CENPE: variants seen among roughly 807,000 people sequenced by gnomAD.
CENPE encodes the protein centromere-associated protein E.
In CENPE, 145 loss-of-function variants were observed where a neutral mutation model predicts 336.1. The observed-to-expected ratio is 0.43, with a 90% CI of 0.38 to 0.50. The LOEUF (loss-of-function observed/expected upper bound fraction) is 0.50, where lower values mean the gene tolerates loss of function less well. CENPE is among the 20% of genes least tolerant of loss of function. The probability of loss-of-function intolerance (pLI) is 0.00; values close to 1 mark genes in which losing one functional copy is unlikely to be tolerated. For synonymous variants in CENPE, 1,013 were observed against 984.8 expected, an observed-to-expected ratio of 1.03 and a Z score of -0.54; for missense variants, 2,719 against 3,023.3, an observed-to-expected ratio of 0.90 and a Z score of 2.36.
chr4:103,146,336 G>C (rs557693101), intron 29 of CENPE, among the ~76,000 whole-genome samples: 21 of 152,300 alleles, frequency 1.4e-4, no homozygotes, highest in African/African-American at 5.1e-4. Context: ...AAAATGATGA[G>C]ACTTACAGGA....
chr4:103,171,823 C>T (rs1463406761), intron 16 of CENPE, among the ~76,000 whole-genome samples: 1 of 150,946 alleles, frequency 6.6e-6, no homozygotes, highest in African/African-American at 2.4e-5. Context: ...ACAATTGATA[C>T]CACAGAAATA....
At position 103,145,238 on chromosome 4, in the gene CENPE, G is replaced by T. The variant is rs749051815; in HGVS notation, c.4669C>A (p.Arg1557Ser). Reference protein sequence around the residue: ...VNELKQFKEHRKAKDSALQSI... With the variant: ...VNELKQFKEHSKAKDSALQSI... ...TGTAGTGCTGAATCCTTGGCTTTGCGATGCTCCTTGAATTGTTTCAGTTCA... is the reference window on the plus strand; with the variant it reads ...TGTAGTGCTGAATCCTTGGCTTTGCTATGCTCCTTGAATTGTTTCAGTTCA... Residue 1557 changes from arginine (R) to serine (S), a missense_variant, in exon 32 of 49, where the codon CGC becomes AGC. Physicochemically the swap from Arg to Ser is moderately radical, Grantham distance 110. Around this residue, in one of 5 missense-constraint regions of CENPE, gnomAD observed 2,437 missense variants for 2,513.3 expected, o/e 0.97. Coordinates refer to ENST00000265148, the MANE Select transcript of CENPE (RefSeq NM_001813.3). The T allele has an allele frequency of 3.1e-6, 5 of 1,613,280 alleles. No individual in the cohort carries two copies. In the South Asian group the frequency reaches 3.3e-5, roughly 11 times the overall value.
intron 16 of CENPE, among the ~76,000 whole-genome samples, chr4:103,164,773 G>T (rs114554223): frequency 0.03 from 4,511 of 152,062 alleles, 217 homozygotes; most frequent in African/African-American, 0.1. Flanking sequence ...GCCACATATG[G>T]TTAGTGGCTA....
chr4:103,125,075 T>C (rs549504536), intron 42 of CENPE, among the ~76,000 whole-genome samples: 4 of 152,364 alleles, frequency 2.6e-5, no homozygotes, highest in South Asian at 2.1e-4. Context: ...TGGACTTCTT[T>C]GTTTTTTCTT....
chr4:103,194,781 A>C, intron 5 of CENPE, 97 bp from the exon 6 acceptor site: 1 of 885,704 alleles, frequency 1.1e-6, no homozygotes, highest in Non-Finnish European at 1.7e-6. Context: ...CATTTGTGAA[A>C]GTTAAAAGTG....
At chr4:103,162,303 G>T (rs1396819935) in intron 18 of CENPE, among the ~76,000 whole-genome samples, 1 of 151,492 alleles carries the variant, frequency 6.6e-6, no homozygotes, top group Non-Finnish European at 1.5e-5. Flanking sequence ...GTTCCAGCTA[G>T]AAACTGTTAT....
Position 103,111,485 on chromosome 4 carries a change from T to C in CENPE, c.7541-474A>G, listed in dbSNP as rs1322976750. Among the ~76,000 whole-genome samples the C allele has an allele frequency of 1.6e-4, 24 of 152,292 alleles. No homozygotes were observed. The South Asian group carries it at 4.6e-3, about 29-fold the overall frequency. On this transcript the variant is annotated intron_variant, in intron 46 of 48. Transcript: ENST00000265148. ...TATGTTACAATAATATTAAAGCACATATTAAATATTCTACACTATGTGTGT... is the reference window on the plus strand; with the variant it reads ...TATGTTACAATAATATTAAAGCACACATTAAATATTCTACACTATGTGTGT...
In CENPE at chr4:103,158,201, G is replaced by T. The variant is rs1265392084; in HGVS notation, c.3033+99C>A. The stretch of plus-strand genomic sequence containing the variant: ...AATTATTGTTAGTTATTACCATTGT[G>T]AGTAACAAATGAAATTGAGAATATT... On this transcript the variant is annotated intron_variant, in intron 24 of 48. Coordinates refer to ENST00000265148, the MANE Select transcript of CENPE (RefSeq NM_001813.3). 20 of 843,444 alleles carry T rather than the reference G, an allele frequency of 2.4e-5. No individual in the cohort carries two copies. The African/African-American group carries it at 2.5e-4, about 10-fold the overall frequency. The allele number at this position is 843,444 out of a possible 1,614,324, so 52.2% of individuals were successfully genotyped here.
intron 24 of CENPE, among the ~76,000 whole-genome samples, chr4:103,156,279 G>A (rs191951065): frequency 9.9e-5 from 15 of 152,094 alleles, no homozygotes; most frequent in South Asian, 2.1e-4. Context: ...ATAGGGAAAC[G>A]AATCTTGAAA....
chr4:103,139,019 T>G, intron 38 of CENPE, among the ~76,000 whole-genome samples: 1 of 152,228 alleles, frequency 6.6e-6, no homozygotes. Context: ...CCACCTGTAC[T>G]GTCTATGGTG....
intron 39 of CENPE, 142 bp downstream of exon 39, chr4:103,138,209 C>T (rs1165208497): frequency 1.5e-6 from 1 of 645,484 alleles, no homozygotes; most frequent in African/African-American, 1.8e-5. Flanking sequence ...TATACCCACA[C>T]ACCTGTACTA....
chr4:103,131,740 T>C (rs1751606288), intron 42 of CENPE, among the ~76,000 whole-genome samples: 1 of 152,100 alleles, frequency 6.6e-6, no homozygotes, highest in Non-Finnish European at 1.5e-5. Context: ...AACAGGTACA[T>C]ACACACAATG....
intron 33 of CENPE, 49 bp from the exon 34 acceptor site, chr4:103,143,455 A>G (rs1410596013): frequency 2.4e-6 from 3 of 1,248,010 alleles, no homozygotes; most frequent in Non-Finnish European, 3.5e-6. Flanking sequence ...AGTACCATCC[A>G]CATGCTATAG....
At chr4:103,142,645 C>T (rs903075419) in intron 34 of CENPE, among the ~76,000 whole-genome samples, 1 of 152,170 alleles carries the variant, frequency 6.6e-6, no homozygotes, top group African/African-American at 2.4e-5. Flanking sequence ...TCCAGAGTTA[C>T]ATTCCAGGCC....
rs1238982578 is a variant in CENPE at position 103,145,940 on chromosome 4, A to C, written c.4302T>G (p.His1434Gln). ...CCTTAGCTACAGATTTCATTTCATCATGACTTTCTTGAAGTCTTTTGGACA... is the reference window on the plus strand; with the variant it reads ...CCTTAGCTACAGATTTCATTTCATCCTGACTTTCTTGAAGTCTTTTGGACA... ...LGLSKRLQESHDEMKSVAKEK... is the reference protein window; with the variant it reads ...LGLSKRLQESQDEMKSVAKEK... Residue 1434 changes from histidine to glutamine, a missense_variant, in exon 30 of 49, where the codon CAT (histidine) becomes CAG (glutamine). By Grantham distance (24) the His-to-Gln change is conservative. This residue lies in a region of CENPE where 2,437 missense variants were observed against 2,513.3 expected (regional missense o/e 0.97). Transcript: ENST00000265148. 6.2e-7 allele frequency: 1 copy of C among 1,613,928 alleles called. No homozygotes were observed. The highest frequency in any genetic ancestry group is 8.5e-7 in the Non-Finnish European group (1 of 1,179,930).
At position 103,110,729 on chromosome 4, in the gene CENPE, GA is replaced by G. The variant is rs1261378342; in HGVS notation, c.7724+98del. The G allele has an allele frequency of 9.1e-6, 7 of 770,468 alleles. No homozygotes were observed. The East Asian group carries it at 1.8e-4, about 20-fold the overall frequency. 47.7% of individuals were successfully genotyped at this position (770,468 alleles called of 1,614,324 possible). On this transcript the variant is annotated intron_variant, in intron 47 of 48. Transcript: ENST00000265148. ...AAAAATTACTTTCCCCATAATGACT[GA>G]AGTGTTACCACCTGCAAAAAATACG... is the stretch of plus-strand genomic sequence containing the variant.
intron 13 of CENPE, among the ~76,000 whole-genome samples, chr4:103,178,099 A>G (rs984916840): frequency 1.4e-5 from 2 of 147,108 alleles, no homozygotes; most frequent in African/African-American, 5.0e-5. Context: ...TAGATTCCAT[A>G]GATCACTGTA....
chr4:103,142,198 A>G (rs888938317), intron 34 of CENPE, among the ~76,000 whole-genome samples: 2 of 152,088 alleles, frequency 1.3e-5, no homozygotes, highest in Non-Finnish European at 2.9e-5. Flanking sequence ...ATTGTTTCAG[A>G]TTTTTAATTA....
intron 8 of CENPE, among the ~76,000 whole-genome samples, chr4:103,191,298 T>C (rs182381811): frequency 5.7e-4 from 87 of 152,314 alleles, no homozygotes; most frequent in Admixed American, 1.8e-3. Flanking sequence ...CATTACTGGG[T>C]ATATACCCAA....
Sources: allele counts gnomAD v4.1 joint callset (sites outside exome capture counted in the v4.1 genomes callset), GRCh38; gene constraint gnomAD v4.1.1; regional missense constraint gnomAD v4.1.1; transcripts MANE v1.5; gene names NCBI Gene and HGNC (gene_info 2026-07-23, HGNC 2026-07-21).